VWC2L: variants seen among roughly 807,000 people sequenced by gnomAD.
VWC2L encodes the protein von Willebrand factor C domain containing 2 like.
In VWC2L, 10 loss-of-function variants were observed where a neutral mutation model predicts 21.6. The observed-to-expected ratio is 0.46, with a 90% CI of 0.29 to 0.78. The LOEUF (loss-of-function observed/expected upper bound fraction) is 0.78. VWC2L is among the 30% of genes least tolerant of loss of function. The pLI is 0.10. For synonymous variants in VWC2L, 96 were observed against 94.3 expected (o/e 1.02, Z -0.10); for missense variants, 209 against 277.1 (o/e 0.75, Z 1.74).
intron 3 of VWC2L, among the ~76,000 whole-genome samples, chr2:214,438,902 T>C (rs571154547): frequency 3.8e-4 from 58 of 152,192 alleles, no homozygotes; most frequent in African/African-American, 1.4e-3. Flanking sequence ...TCTGATATTT[T>C]TTAAATCATG....
At chr2:214,488,924 C>A (rs1688709872) in intron 3 of VWC2L, among the ~76,000 whole-genome samples, 1 of 152,274 alleles carries the variant, frequency 6.6e-6, no homozygotes, top group Non-Finnish European at 1.5e-5. Context: ...AGCATCAATT[C>A]GTTCATGAAG....
At chr2:214,492,253 G>A (rs539468421) in intron 3 of VWC2L, among the ~76,000 whole-genome samples, 1 of 152,306 alleles carries the variant, frequency 6.6e-6, no homozygotes, top group East Asian at 1.9e-4. Flanking sequence ...GAGGGCATGT[G>A]ATGACTATCC....
intron 2 of VWC2L, among the ~76,000 whole-genome samples, chr2:214,434,587 G>A (rs935776624): frequency 1.3e-5 from 2 of 151,960 alleles, no homozygotes; most frequent in African/African-American, 4.8e-5. Flanking sequence ...ATAGGCCCTG[G>A]GAAAGTTATT....
chr2:214,551,665 C>T (rs994558834), intron 3 of VWC2L, among the ~76,000 whole-genome samples: 5 of 152,184 alleles, frequency 3.3e-5, no homozygotes, highest in African/African-American at 4.8e-5. Context: ...ACCTGCAGTT[C>T]ATTAATCCAC....
At chr2:214,461,547 G>T (rs1416658331) in intron 3 of VWC2L, among the ~76,000 whole-genome samples, 1 of 152,130 alleles carries the variant, frequency 6.6e-6, no homozygotes, top group African/African-American at 2.4e-5. Flanking sequence ...ATCACCAGTG[G>T]CAGGTGTTCC....
intron 3 of VWC2L, among the ~76,000 whole-genome samples, chr2:214,453,551 A>T (rs1279488505): frequency 2.0e-5 from 3 of 152,158 alleles, no homozygotes; most frequent in Admixed American, 1.3e-4. Flanking sequence ...TTGACTCTAT[A>T]CACCCATTTG....
chr2:214,411,687 G>A lies in VWC2L; in HGVS notation c.-180G>A, dbSNP rs1229922192. 6.6e-6 allele frequency: 1 copy of A among 152,080 alleles called. No individual in the cohort carries two copies. Among genetic ancestry groups the A allele is most frequent in the African/African-American group, 2.4e-5 (1 of 41,408 alleles). The allele number at this position is 152,080 out of a possible 1,614,324, so 9.4% of individuals were successfully genotyped here. On this transcript the variant is annotated 5_prime_UTR_variant, in exon 1 of 4. An upstream open reading frame in the 5' UTR gains an earlier in-frame stop. Coordinates refer to ENST00000312504, the MANE Select transcript of VWC2L (RefSeq NM_001080500.4). ...TTCATGCCTAAAAAATGTATTCTTT[G>A]GGTAATTAAAGAGGAACTGCTTTCT...
At chr2:214,559,761 C>G (rs1355955951) in intron 3 of VWC2L, among the ~76,000 whole-genome samples, 1 of 152,000 alleles carries the variant, frequency 6.6e-6, no homozygotes, top group South Asian at 2.1e-4. Context: ...AGATGTATGC[C>G]CAGCTAATTT....
chr2:214,570,562 G>T (rs1440382701), intron 3 of VWC2L, among the ~76,000 whole-genome samples: 1 of 151,934 alleles, frequency 6.6e-6, no homozygotes, highest in African/African-American at 2.4e-5. Context: ...ATGGGGTTTT[G>T]CCATGTTGCC....
intron 3 of VWC2L, among the ~76,000 whole-genome samples, chr2:214,565,164 T>G (rs1690042882): frequency 6.6e-6 from 1 of 152,198 alleles, no homozygotes; most frequent in South Asian, 2.1e-4. Context: ...CATAATTCAG[T>G]ATTTCTGTGA....
chr2:214,415,558 C>A (rs1702342347), intron 2 of VWC2L, among the ~76,000 whole-genome samples: 1 of 152,156 alleles, frequency 6.6e-6, no homozygotes, highest in East Asian at 1.9e-4. Flanking sequence ...GAAGACATTT[C>A]CATTATTAGC....
chr2:214,549,366 A>G (rs1234711591), intron 3 of VWC2L, among the ~76,000 whole-genome samples: 2 of 152,222 alleles, frequency 1.3e-5, no homozygotes, highest in African/African-American at 2.4e-5. Context: ...ACACAAATAT[A>G]GCAACTTCAC....
chr2:214,412,840 C>T (rs1289725663), intron 1 of VWC2L, among the ~76,000 whole-genome samples: 1 of 152,010 alleles, frequency 6.6e-6, no homozygotes, highest in Non-Finnish European at 1.5e-5. Flanking sequence ...CAATGTATAA[C>T]ATTTATAACT....
At chr2:214,488,925 G>A (rs571121957) in intron 3 of VWC2L, among the ~76,000 whole-genome samples, 3 of 152,292 alleles carry the variant, frequency 2.0e-5, no homozygotes, top group South Asian at 4.1e-4. Flanking sequence ...GCATCAATTC[G>A]TTCATGAAGG....
chr2:214,561,263 C>T (rs13401641), intron 3 of VWC2L, among the ~76,000 whole-genome samples: 36,986 of 152,026 alleles, frequency 0.24, 4,729 homozygotes, highest in Middle Eastern at 0.32. Flanking sequence ...TTGAAAACTC[C>T]TATCGTAAAG....
chr2:214,524,476 G>A (rs561676350), intron 3 of VWC2L, among the ~76,000 whole-genome samples: 2 of 152,290 alleles, frequency 1.3e-5, no homozygotes, highest in Non-Finnish European at 2.9e-5. Context: ...CTCTAAAAAT[G>A]AGGGGATTAA....
At chr2:214,447,194 T>A (rs1023092123) in intron 3 of VWC2L, among the ~76,000 whole-genome samples, 1 of 152,142 alleles carries the variant, frequency 6.6e-6, no homozygotes, top group South Asian at 2.1e-4. Flanking sequence ...GATTCATGAA[T>A]ACCTAGAAAT....
intron 3 of VWC2L, among the ~76,000 whole-genome samples, chr2:214,468,382 G>C (rs2126191606): frequency 1.3e-5 from 2 of 152,244 alleles, no homozygotes; most frequent in East Asian, 3.9e-4. Flanking sequence ...GTGAAATGCT[G>C]TTCCAAATAC....
At chr2:214,443,959 A>C (rs1702799992) in intron 3 of VWC2L, among the ~76,000 whole-genome samples, 2 of 152,156 alleles carry the variant, frequency 1.3e-5, no homozygotes, top group African/African-American at 4.8e-5. Flanking sequence ...AAACTACTAT[A>C]AGCAAGAGAA....
Sources: allele counts gnomAD v4.1 joint callset (sites outside exome capture counted in the v4.1 genomes callset), GRCh38; gene constraint gnomAD v4.1.1; transcripts MANE v1.5; gene names NCBI Gene and HGNC (gene_info 2026-07-23, HGNC 2026-07-21).